Variants in ATP13A1 observed in about 807,000 individuals in gnomAD.
ATP13A1 encodes ATPase 13A1.
Under a neutral mutation model 134.8 loss-of-function variants are expected in ATP13A1, and 55 were observed. The observed-to-expected ratio is 0.41, with a 90% CI of 0.33 to 0.51. ATP13A1 has a LOEUF of 0.51. Ranked by LOEUF, ATP13A1 falls within the 20% of genes least tolerant of loss-of-function variation. The pLI, the probability that ATP13A1 is intolerant of heterozygous loss-of-function variation, is 0.29. For missense variants in ATP13A1, 1,389 were observed against 1,652.8 expected, an observed-to-expected ratio of 0.84 and a Z score of 2.77; for synonymous variants, 775 against 725.1, an observed-to-expected ratio of 1.07 and a Z score of -1.10.
chr19:19,655,999 G>A lies in ATP13A1; in HGVS notation c.1213+55C>T, dbSNP rs542624864. ...GTCCTGACTCCCTCATGATCAAGCAGACGGGCAAAGGGGGTGGAAGCCCAG... is the reference window on the plus strand; with the variant it reads ...GTCCTGACTCCCTCATGATCAAGCAAACGGGCAAAGGGGGTGGAAGCCCAG... On this transcript the variant is annotated intron_variant, in intron 8 of 25. Transcript: ENST00000357324. The surrounding 1 kb of genome is among the most constrained non-coding windows in gnomAD (Gnocchi z 5.7). 10 of 1,611,940 alleles carry A rather than the reference G, an allele frequency of 6.2e-6. No individual in the cohort carries two copies. The highest frequency in any genetic ancestry group is 7.6e-6 in the Non-Finnish European group (9 of 1,179,542).
chr19:19,648,083 C>T (rs2061998394), intron 19 of ATP13A1, among the ~76,000 whole-genome samples: 1 of 152,140 alleles, frequency 6.6e-6, no homozygotes, highest in Non-Finnish European at 1.5e-5. Flanking sequence ...CTTTGGAAGG[C>T]TGAGGTGGGC....
chr19:19,662,417 T>C, intron 1 of ATP13A1: 2 of 957,130 alleles, frequency 2.1e-6, no homozygotes, highest in East Asian at 2.3e-4. Flanking sequence ...TTTCCTCTTC[T>C]TGAGGCAAAC....
At position 19,647,422 on chromosome 19, in the gene ATP13A1, A is replaced by G. The variant is rs1448697268; in HGVS notation, c.2900T>C (p.Ile967Thr). 1 of 1,612,990 alleles carries G rather than the reference A, an allele frequency of 6.2e-7. No individual in the cohort carries two copies. The highest frequency in any genetic ancestry group is 1.3e-5 in the African/African-American group (1 of 74,906). Residue 967 changes from isoleucine to threonine, a missense_variant, in exon 21 of 26, where the codon ATC becomes ACC. Ile to Thr is a moderately conservative substitution (Grantham distance 89). Transcript: ENST00000357324. This position sits in a 1 kb window ranked among gnomAD's most constrained non-coding sequence, Gnocchi z 4.8. ...GGGGGCAGGCAACTCACTGCACTGG[A>G]TGGATGAGAGCTTGGAGGTGAAGGG... ...AAPFTSKLSSIQCICHVIKQG... is the reference protein window; with the variant it reads ...AAPFTSKLSSTQCICHVIKQG...
chr19:19,660,048 C>T, intron 1 of ATP13A1, 61 bp from the exon 2 acceptor site: 1 of 1,480,374 alleles, frequency 6.8e-7, no homozygotes, highest in South Asian at 1.3e-5. Context: ...TCCAAGACCC[C>T]CCCGGGAGGT....
intron 17 of ATP13A1, chr19:19,650,919 C>G (rs1380379034): frequency 6.6e-6 from 1 of 152,358 alleles, no homozygotes; most frequent in Non-Finnish European, 1.5e-5. Context: ...CCCCACACCT[C>G]TAGCTGGGAG....
rs776643457 is a variant in ATP13A1, at chr19:19,647,333, G to A, written c.2909-8C>T. The stretch of plus-strand genomic sequence containing the variant: ...GCTTGATCACGTGGCAGACTGCAGG[G>A]TGGTGGGGAGGCAGGTGTGGGTGTG... On this transcript the variant is annotated splice_polypyrimidine_tract_variant and splice_region_variant and intron_variant, in intron 21 of 25. Coordinates refer to ENST00000357324, the MANE Select transcript of ATP13A1 (RefSeq NM_020410.3). The surrounding 1 kb of genome is among the most constrained non-coding windows in gnomAD (Gnocchi z 4.8). The A allele has an allele frequency of 9.9e-6, 16 of 1,612,112 alleles. No individual in the cohort carries two copies. Among genetic ancestry groups the A allele is most frequent in the Non-Finnish European group, 1.4e-5 (16 of 1,179,196 alleles).
intron 4 of ATP13A1, 27 bp downstream of exon 4, chr19:19,657,309 G>C: frequency 6.4e-7 from 1 of 1,554,650 alleles, no homozygotes; most frequent in African/African-American, 1.4e-5. Context: ...GAGGAAATGG[G>C]GAGATGGGCC....
At chr19:19,662,104 C>T in intron 1 of ATP13A1, 1 of 1,572,356 alleles carries the variant, frequency 6.4e-7, no homozygotes, top group Non-Finnish European at 8.6e-7. Flanking sequence ...TTCAGCTCCT[C>T]CCACTTCTCC....
chr19:19,652,594 C>G lies in ATP13A1; in HGVS notation c.2226+1G>C, dbSNP rs1173230370. ...GGGTGGAGCCGAGCACCGTCCCATA[C>G]CCGGTGGGACGCATTCTGGATCTCC... On this transcript the variant is annotated splice_donor_variant, in intron 16 of 25. Transcript: ENST00000357324. LOFTEE classifies it high-confidence loss of function. The G allele has an allele frequency of 6.2e-7, 1 of 1,607,430 alleles. No individual in the cohort carries two copies.
Position 19,653,696 on chromosome 19 carries a change from A to G in ATP13A1, c.2100+88T>C, listed in dbSNP as rs1365561789. 4 of 1,229,706 alleles carry G rather than the reference A, an allele frequency of 3.3e-6. No individual in the cohort carries two copies. The highest frequency in any genetic ancestry group is 2.5e-5 in the East Asian group (1 of 39,312). The allele number at this position is 1,229,706 out of a possible 1,614,324, so 76.2% of individuals were successfully genotyped here. ...AGGAGGACAAAATCACAACCATTCAACCTGGCACTGTGGGACACAGGAGGT... is the reference window on the plus strand; with the variant it reads ...AGGAGGACAAAATCACAACCATTCAGCCTGGCACTGTGGGACACAGGAGGT... On this transcript the variant is annotated intron_variant, in intron 15 of 25. Coordinates refer to ENST00000357324, the MANE Select transcript of ATP13A1 (RefSeq NM_020410.3). The surrounding 1 kb of genome is among the most constrained non-coding windows in gnomAD (Gnocchi z 4.2).
rs780024845 is a variant in ATP13A1, at chr19:19,663,298, G to C, written c.369C>G (p.His123Gln). 1.1e-5 allele frequency: 17 copies of C among 1,588,612 alleles called. No individual in the cohort carries two copies. The highest frequency in any genetic ancestry group is 1.5e-5 in the Non-Finnish European group (17 of 1,168,968). The change falls in exon 1 of 26, where the codon CAC becomes CAG. Residue 123 changes from histidine (H) to glutamine (Q), a missense_variant. By Grantham distance (24) the His-to-Gln change is conservative (BLOSUM62 0). This residue lies in a region of ATP13A1 where 293 missense variants were observed against 270.8 expected (regional missense o/e 1.08). Transcript: ENST00000357324. ...GGGTGCAGGTGAGCGCGCAATGCGC[G>C]TGCACAGACCAATGCCCCGAGAGGA... ...LTVLSGHWSV[H>Q]AHCALTCTPE...
In ATP13A1 at chr19:19,654,014, G is replaced by C. The variant is rs1226668151; in HGVS notation, c.1944C>G (p.Cys648Trp). The C allele has an allele frequency of 2.5e-6, 4 of 1,598,946 alleles. No homozygotes were observed. Among genetic ancestry groups the C allele is most frequent in the Non-Finnish European group, 3.4e-6 (4 of 1,173,208 alleles). Reference sequence around the variant, plus strand: ...GGGCCCCCTTCACGGCCGCGATGTAGCAGAGGTCGGTGGAGCCCAGCTTCT... The same window carrying C: ...GGGCCCCCTTCACGGCCGCGATGTACCAGAGGTCGGTGGAGCCCAGCTTCT... ...SYEKLGSTDL[C>W]YIAAVKGAPE... The change falls in exon 14 of 26, where the codon TGC (cysteine) becomes TGG (tryptophan). Residue 648 changes from cysteine (C) to tryptophan (W), a missense_variant. Transcript: ENST00000357324.
chr19:19,663,432 A>G lies in ATP13A1; in HGVS notation c.235T>C (p.Leu79=), dbSNP rs2062107400. ...CAGCAGCCAGCGGCTGCGGCACCCA[A>G]CCAGGCCGGGTAAAGCAGCCCGGCG... The part of the protein sequence containing the change: ...PFAGLLYPAW[L]GAAAAGCWGW... The change falls in exon 1 of 26, where the codon TTG becomes CTG. Residue 79 remains leucine, a synonymous_variant. Coordinates refer to ENST00000357324, the MANE Select transcript of ATP13A1 (RefSeq NM_020410.3). The G allele has an allele frequency of 1.3e-6, 2 of 1,568,856 alleles. No individual in the cohort carries two copies. The highest frequency in any genetic ancestry group is 1.7e-4 in the Middle Eastern group (1 of 6,008).
In ATP13A1 at chr19:19,652,705, G is replaced by A. The variant is rs2062032409; in HGVS notation, c.2116C>T (p.Arg706Trp). The change falls in exon 16 of 26, where the codon CGG becomes TGG. Residue 706 changes from arginine to tryptophan, a missense_variant. Physicochemically the swap from Arg to Trp is moderately radical, Grantham distance 101. Coordinates refer to ENST00000357324, the MANE Select transcript of ATP13A1 (RefSeq NM_020410.3). ...TTGAGGCTGCACTCCAGGGCCTCCCGCTTGACCTCCCGGGCCTGCGGACAG... is the reference window on the plus strand; with the variant it reads ...TTGAGGCTGCACTCCAGGGCCTCCCACTTGACCTCCCGGGCCTGCGGACAG... ...LTHQQAREVK[R>W]EALECSLKFV... 4 of 1,605,632 alleles carry A rather than the reference G, an allele frequency of 2.5e-6. No individual in the cohort carries two copies. Among genetic ancestry groups the A allele is most frequent in the East Asian group, 2.2e-5 (1 of 44,604 alleles).
chr19:19,661,604 C>G (rs1179300533), intron 1 of ATP13A1, among the ~76,000 whole-genome samples: 1 of 152,178 alleles, frequency 6.6e-6, no homozygotes, highest in East Asian at 1.9e-4. Flanking sequence ...CCCAGTAACA[C>G]CACAAAGGCA....
At chr19:19,663,163 G>A (rs1363625252) in intron 1 of ATP13A1, 108 bp downstream of exon 1, 2 of 1,475,166 alleles carry the variant, frequency 1.4e-6, no homozygotes, top group African/African-American at 1.4e-5. Flanking sequence ...ATCCAGGCCA[G>A]GCAGATGAGT....
rs1457477879 is a variant in ATP13A1, at chr19:19,646,301, T to C, written c.3152A>G (p.Asn1051Ser). Residue 1051 changes from asparagine to serine, a missense_variant, in exon 23 of 26, where the codon AAC becomes AGC. By Grantham distance (46) the Asn-to-Ser change is conservative. Around this residue, in one of 4 missense-constraint regions of ATP13A1, gnomAD observed 228 missense variants for 321.0 expected, o/e 0.71. Coordinates refer to ENST00000357324, the MANE Select transcript of ATP13A1 (RefSeq NM_020410.3). ...CATGACGGTGAGGATGGTGTACAGG[T>C]TGAAGATGTTGGGCAGGGGCCGTTC... The part of the protein sequence containing the change: ...SRERPLPNIF[N>S]LYTILTVMLQ... The C allele has an allele frequency of 1.9e-6, 3 of 1,613,646 alleles. No individual in the cohort carries two copies. Among genetic ancestry groups the C allele is most frequent in the Non-Finnish European group, 2.5e-6 (3 of 1,179,756 alleles).
chr19:19,655,139 C>G lies in ATP13A1; in HGVS notation c.1635G>C (p.Val545=). The change falls in exon 12 of 26, where the codon GTG becomes GTC. Residue 545 remains valine (V), a synonymous_variant. Coordinates refer to ENST00000357324, the MANE Select transcript of ATP13A1 (RefSeq NM_020410.3). This position sits in a 1 kb window ranked among gnomAD's most constrained non-coding sequence, Gnocchi z 5.7. The part of the protein sequence containing the change: ...TGTLTSDSLV[V]RGVAGLRDGK... Reference sequence around the variant, plus strand: ...CTTACCTCAGCCCGGCCACACCGCGCACCACCAGGCTGTCACTGGTCAACG... The same window carrying G: ...CTTACCTCAGCCCGGCCACACCGCGGACCACCAGGCTGTCACTGGTCAACG... 6.2e-7 allele frequency: 1 copy of G among 1,613,950 alleles called. No homozygotes were observed. Among genetic ancestry groups the G allele is most frequent in the Non-Finnish European group, 8.5e-7 (1 of 1,179,880 alleles).
chr19:19,651,618 G>A (rs1441986211), intron 17 of ATP13A1, 71 bp downstream of exon 17: 4 of 1,218,214 alleles, frequency 3.3e-6, no homozygotes, highest in Non-Finnish European at 3.5e-6. Context: ...ACACAGGTGG[G>A]CTGTTGCGAT....
Sources: allele counts gnomAD v4.1 joint callset (sites outside exome capture counted in the v4.1 genomes callset), GRCh38; gene constraint gnomAD v4.1.1; regional missense constraint gnomAD v4.1.1; non-coding constraint Gnocchi (gnomAD v3.1); transcripts MANE v1.5; gene names NCBI Gene and HGNC (gene_info 2026-07-23, HGNC 2026-07-21).